The following LRIF1 variants were observed in gnomAD, a reference collection of about 807,000 sequenced individuals.
The protein encoded by LRIF1 is ligand-dependent nuclear receptor-interacting factor 1.
In LRIF1, 32 loss-of-function variants were observed where a neutral mutation model predicts 52.7. That is an observed-to-expected ratio of 0.61 (90% CI 0.46 to 0.82). LRIF1 has a LOEUF of 0.82. LRIF1 is among the 40% of genes least tolerant of loss of function. The pLI is 0.00. For missense variants in LRIF1, 887 were observed against 892.0 expected (o/e 0.99, Z 0.07); for synonymous variants, 323 against 317.4 (o/e 1.02, Z -0.19).
rs768788650 is a variant in LRIF1 at position 110,952,743 on chromosome 1, T to C, written c.141A>G (p.Pro47=). The change falls in exon 2 of 4, where the codon CCA becomes CCG. Residue 47 remains proline, a synonymous_variant. Transcript: ENST00000369763. The part of the protein sequence containing the change: ...SDGKNLLQLL[P]IPKSSGNLIP... ...TAAGATTTCCAGAAGACTTAGGAATTGGAAGTAATTGCAGAAGATTTTTTC... is the reference window on the plus strand; with the variant it reads ...TAAGATTTCCAGAAGACTTAGGAATCGGAAGTAATTGCAGAAGATTTTTTC... 1.2e-6 allele frequency: 2 copies of C among 1,613,692 alleles called. No homozygotes were observed. The highest frequency in any genetic ancestry group is 1.7e-5 in the Admixed American group (1 of 59,994).
chr1:110,953,476 T>C (rs1658566398), intron 1 of LRIF1, among the ~76,000 whole-genome samples: 1 of 152,236 alleles, frequency 6.6e-6, no homozygotes, highest in Non-Finnish European at 1.5e-5. Context: ...GTCAATCACC[T>C]ATCAACCCAT....
chr1:110,930,601 C>T, the LRIF1 span, among the ~76,000 whole-genome samples: 10 of 152,136 alleles, frequency 6.6e-5, no homozygotes, highest in Non-Finnish European at 1.3e-4. Context: ...TTTATGATCT[C>T]AAGTAACTAT....
At chr1:110,886,869 A>ATATATATATATATATTTT in the LRIF1 span, among the ~76,000 whole-genome samples, 75 of 82,756 alleles carry the variant, frequency 9.1e-4, no homozygotes, top group Admixed American at 1.4e-3. Flanking sequence ...ATATATATAT[A>ATATATATATATATATTTT]TTTTTTTTTT....
chr1:110,957,945 T>G lies in LRIF1; in HGVS notation c.69-5130A>C, dbSNP rs919035602. Among the ~76,000 whole-genome samples the G allele has an allele frequency of 1.3e-4, 20 of 152,230 alleles. 1 individual carries two copies. Among genetic ancestry groups the G allele is most frequent in the Non-Finnish European group, 2.4e-4 (16 of 68,042 alleles). On this transcript the variant is annotated intron_variant, in intron 1 of 3. Coordinates refer to ENST00000369763, the MANE Select transcript of LRIF1 (RefSeq NM_018372.4). ...ATCATTGTGACTTCCACCATCTACA[T>G]GAGATCCTCATCAGATGTGTCTAGC...
chr1:110,886,127 A>T, the LRIF1 span, among the ~76,000 whole-genome samples: 2 of 152,084 alleles, frequency 1.3e-5, no homozygotes, highest in Non-Finnish European at 2.9e-5. Flanking sequence ...TATTGGGTAT[A>T]GATTTTTAGT....
chr1:110,887,940 G>A, the LRIF1 span, among the ~76,000 whole-genome samples: 1 of 152,188 alleles, frequency 6.6e-6, no homozygotes, highest in Non-Finnish European at 1.5e-5. Context: ...ATCTCGAAAT[G>A]GGGTGATTAT....
the LRIF1 span, among the ~76,000 whole-genome samples, chr1:110,889,867 CTAATT>C: frequency 6.6e-6 from 1 of 151,958 alleles, no homozygotes; most frequent in East Asian, 1.9e-4. Flanking sequence ...CATTTATAAT[CTAATT>C]TATTTTATTT....
Position 110,963,794 on chromosome 1 carries a change from C to CTGTGGG in LRIF1, c.-107_-106insCCCACA. ...GCGAGGGAATGTTGGGCTGGAGTTG[C>CTGTGGG]CCACAGCAACTGTGAGGGGTTCGAC... On this transcript the variant is annotated 5_prime_UTR_variant, in exon 1 of 4. Coordinates refer to ENST00000369763, the MANE Select transcript of LRIF1 (RefSeq NM_018372.4). 2.3e-6 allele frequency: 2 copies of CTGTGGG among 871,860 alleles called. No homozygotes were observed. The highest frequency in any genetic ancestry group is 3.6e-6 in the Non-Finnish European group (2 of 548,152). The allele number at this position is 871,860 out of a possible 1,614,324, so 54.0% of individuals were successfully genotyped here. A position where few individuals can be genotyped will look rare whatever the true frequency, so the allele number is the denominator to read the frequency against.
intron 3 of LRIF1, among the ~76,000 whole-genome samples, chr1:110,948,965 A>C (rs188501717): frequency 3.3e-5 from 5 of 152,290 alleles, no homozygotes; most frequent in African/African-American, 1.2e-4. Flanking sequence ...TAGAGTCCTC[A>C]AAGTAGGATG....
chr1:110,909,340 C>T, the LRIF1 span, among the ~76,000 whole-genome samples: 1 of 152,072 alleles, frequency 6.6e-6, no homozygotes, highest in Non-Finnish European at 1.5e-5. Flanking sequence ...AACAACCAGC[C>T]AACAACATAA....
chr1:110,920,646 C>T, the LRIF1 span, among the ~76,000 whole-genome samples: 32,051 of 152,070 alleles, frequency 0.21, 4,248 homozygotes, highest in East Asian at 0.34. Flanking sequence ...ACCCATAGAA[C>T]GTACAACACC....
chr1:110,959,736 CAAAAAAAAAAAAA>C (rs11320169), intron 1 of LRIF1, among the ~76,000 whole-genome samples: 1 of 56,350 alleles, frequency 1.8e-5, no homozygotes, highest in Admixed American at 1.9e-4. Context: ...GACTCCATCT[CAAAAAAAAAAAAA>C]AAAAAAAAAG....
At chr1:110,902,344 T>C in the LRIF1 span, among the ~76,000 whole-genome samples, 1 of 152,122 alleles carries the variant, frequency 6.6e-6, no homozygotes, top group Non-Finnish European at 1.5e-5. Context: ...CAGCACATAG[T>C]GCATCTTAAA....
chr1:110,960,632 C>G (rs1658912359), intron 1 of LRIF1, among the ~76,000 whole-genome samples: 1 of 152,174 alleles, frequency 6.6e-6, no homozygotes, highest in African/African-American at 2.4e-5. Context: ...GTTTCATATT[C>G]AAATATCTGA....
the LRIF1 span, among the ~76,000 whole-genome samples, chr1:110,883,443 T>C: frequency 2.0e-5 from 3 of 152,032 alleles, no homozygotes; most frequent in Non-Finnish European, 4.4e-5. Flanking sequence ...TATCGTTAGA[T>C]GCTTTTTACT....
the LRIF1 span, among the ~76,000 whole-genome samples, chr1:110,915,424 T>C: frequency 4.0e-5 from 6 of 151,794 alleles, no homozygotes; most frequent in African/African-American, 1.5e-4. Flanking sequence ...GGAGGCGGAG[T>C]TTGCAGTGAG....
At chr1:110,950,236 A>G in intron 2 of LRIF1, 113 bp from the exon 3 acceptor site, 1 of 1,286,720 alleles carries the variant, frequency 7.8e-7, no homozygotes, top group South Asian at 1.5e-5. Context: ...ATGCTTTATG[A>G]TTGGTTTGTA....
the LRIF1 span, among the ~76,000 whole-genome samples, chr1:110,909,593 T>C: frequency 6.8e-6 from 1 of 147,930 alleles, no homozygotes; most frequent in Non-Finnish European, 1.5e-5. Context: ...TTTTTTTTTT[T>C]TTTTGAGACG....
At chr1:110,910,336 C>G in the LRIF1 span, among the ~76,000 whole-genome samples, 2 of 150,944 alleles carry the variant, frequency 1.3e-5, no homozygotes, top group African/African-American at 4.9e-5. Context: ...CAGTGGCTCA[C>G]GCATGTAATC....
Sources: allele counts gnomAD v4.1 joint callset (sites outside exome capture counted in the v4.1 genomes callset), GRCh38; gene constraint gnomAD v4.1.1; transcripts MANE v1.5; gene names NCBI Gene and HGNC (gene_info 2026-07-23, HGNC 2026-07-21).